The following SLC25A36 variants were observed in gnomAD, a reference collection of about 807,000 sequenced individuals.
SLC25A36 encodes the protein epididymis secretory sperm binding protein.
SLC25A36 carries 24 observed loss-of-function variants against 35.3 expected under a neutral mutation model. The observed-to-expected ratio is 0.68, with a 90% CI of 0.49 to 0.96. The LOEUF (loss-of-function observed/expected upper bound fraction) is 0.96, where lower values mean the gene tolerates loss of function less well. Ranked by LOEUF, SLC25A36 falls within the 40% of genes least tolerant of loss-of-function variation. The probability of loss-of-function intolerance (pLI) is 0.00; values close to 1 mark genes in which losing one functional copy is unlikely to be tolerated. For missense variants in SLC25A36, 294 were observed against 381.1 expected (o/e 0.77, Z 1.90); for synonymous variants, 141 against 132.2 (o/e 1.07, Z -0.46).
rs1345479893 is a variant in SLC25A36 at position 140,956,407 on chromosome 3, A to G, written c.42-120A>G. The G allele has an allele frequency of 3.0e-5, 36 of 1,214,062 alleles. 1 individual carries two copies. The South Asian group carries it at 4.8e-4, about 16-fold the overall frequency. The allele number at this position is 1,214,062 out of a possible 1,614,324, so 75.2% of individuals were successfully genotyped here. The stretch of plus-strand genomic sequence containing the variant: ...TCAGTTTAGTCATCTAACATTAAAA[A>G]TTATAAATTTTAGTATGTTGGCAAA... On this transcript the variant is annotated intron_variant, in intron 1 of 6. Coordinates refer to ENST00000324194, the MANE Select transcript of SLC25A36 (RefSeq NM_001104647.3).
chr3:140,943,092 CCTT>C (rs1429374646), intron 1 of SLC25A36, among the ~76,000 whole-genome samples: 7 of 152,128 alleles, frequency 4.6e-5, no homozygotes, highest in African/African-American at 1.7e-4. Context: ...TAGATTTGCT[CCTT>C]CTAAATCATT....
rs750466080 is a variant in SLC25A36 at position 140,976,243 on chromosome 3, A to G, written c.743-17A>G. On this transcript the variant is annotated splice_polypyrimidine_tract_variant and intron_variant, in intron 6 of 6. Coordinates refer to ENST00000324194, the MANE Select transcript of SLC25A36 (RefSeq NM_001104647.3). ...AAAGATATCAGTAATGTTTAATTTT[A>G]TTTCTTTCCTACACAGAAGTTGTAA... The G allele has an allele frequency of 3.3e-6, 5 of 1,527,102 alleles. No individual in the cohort carries two copies. The highest frequency in any genetic ancestry group is 4.5e-6 in the Non-Finnish European group (5 of 1,118,824). 94.6% of individuals were successfully genotyped at this position (1,527,102 alleles called of 1,614,324 possible). A position where few individuals can be genotyped will look rare whatever the true frequency, so the allele number is the denominator to read the frequency against.
Position 140,949,587 on chromosome 3 carries a change from A to T in SLC25A36, c.42-6940A>T, listed in dbSNP as rs142476775. On this transcript the variant is annotated intron_variant, in intron 1 of 6. Transcript: ENST00000324194. Reference sequence around the variant, plus strand: ...AATGAGTGTCAATCTAGGTGGTTTCACTACGAACATAAAGAACATGTAGTT... The same window carrying T: ...AATGAGTGTCAATCTAGGTGGTTTCTCTACGAACATAAAGAACATGTAGTT... 1.7e-3 allele frequency among the ~76,000 whole-genome samples: 253 copies of T among 152,300 alleles called. 3 individuals carry two copies. The East Asian group carries it at 0.019, about 12-fold the overall frequency.
chr3:140,949,249 C>T (rs1934251692), intron 1 of SLC25A36, among the ~76,000 whole-genome samples: 2 of 152,080 alleles, frequency 1.3e-5, no homozygotes, highest in Admixed American at 1.3e-4. Context: ...TAAGTAGAAG[C>T]AACATTTGAA....
At position 140,976,787 on chromosome 3, in the gene SLC25A36, A is replaced by T. The variant is rs1351098298; in HGVS notation, c.*334A>T. 1 of 183,414 alleles carries T rather than the reference A, an allele frequency of 5.5e-6. No individual in the cohort carries two copies. Among genetic ancestry groups the T allele is most frequent in the East Asian group, 1.4e-4 (1 of 7,358 alleles). The allele number at this position is 183,414 out of a possible 1,614,324, so 11.4% of individuals were successfully genotyped here. The stretch of plus-strand genomic sequence containing the variant: ...TAAACAAAGCCATCCTTAATTTTAC[A>T]TACTGTATTGTAACTATCCAAAGAT... On this transcript the variant is annotated 3_prime_UTR_variant, in exon 7 of 7. Transcript: ENST00000324194.
chr3:140,949,785 A>C (rs1332916040), intron 1 of SLC25A36, among the ~76,000 whole-genome samples: 1 of 152,232 alleles, frequency 6.6e-6, no homozygotes, highest in Non-Finnish European at 1.5e-5. Flanking sequence ...AAGAAAGCAC[A>C]CAGAACAAAC....
chr3:140,967,807 T>C (rs916091721), intron 4 of SLC25A36: 3 of 186,000 alleles, frequency 1.6e-5, no homozygotes, highest in Non-Finnish European at 3.0e-5. Context: ...GTATGGCCAA[T>C]ATATTGGCAC....
At chr3:140,975,651 T>C (rs1935024156) in intron 6 of SLC25A36, among the ~76,000 whole-genome samples, 1 of 152,160 alleles carries the variant, frequency 6.6e-6, no homozygotes, top group African/African-American at 2.4e-5. Flanking sequence ...TTTCTCACCT[T>C]TTAAAATGAG....
chr3:140,967,439 T>G (rs1241707583), intron 4 of SLC25A36, among the ~76,000 whole-genome samples: 1 of 151,832 alleles, frequency 6.6e-6, no homozygotes, highest in East Asian at 1.9e-4. Flanking sequence ...CTTAGAACTC[T>G]TTTGCAAAAA....
intron 4 of SLC25A36, chr3:140,964,852 T>C (rs1378235068): frequency 6.6e-6 from 1 of 151,872 alleles, no homozygotes; most frequent in Admixed American, 6.6e-5. Flanking sequence ...CATTGGAGTA[T>C]CTCATCAGAA....
intron 1 of SLC25A36, among the ~76,000 whole-genome samples, chr3:140,946,602 C>T (rs1934172978): frequency 6.6e-6 from 1 of 152,048 alleles, no homozygotes; most frequent in African/African-American, 2.4e-5. Flanking sequence ...AGTTAGACTT[C>T]GAAGGTAAAG....
Position 140,959,493 on chromosome 3 carries a change from C to A in SLC25A36, c.237C>A (p.Ser79=). Residue 79 remains serine, a synonymous_variant, in exon 3 of 7, where the codon TCC becomes TCA. Transcript: ENST00000324194. ...KVILEKEGPR[S]LFRGLGPNLV... ...TCTTGGAAAAAGAAGGGCCTCGTTC[C>A]TTGTTTAGAGGACTAGGCCCCAATT... 1 of 1,517,706 alleles carries A rather than the reference C, an allele frequency of 6.6e-7. No homozygotes were observed. The highest frequency in any genetic ancestry group is 8.7e-7 in the Non-Finnish European group (1 of 1,143,206). 94.0% of individuals were successfully genotyped at this position (1,517,706 alleles called of 1,614,324 possible).
At chr3:140,961,032 C>G (rs1934613718) in intron 3 of SLC25A36, among the ~76,000 whole-genome samples, 1 of 152,206 alleles carries the variant, frequency 6.6e-6, no homozygotes, top group African/African-American at 2.4e-5. Context: ...TGATAGAACA[C>G]TGTATAAAGT....
chr3:140,975,699 C>G (rs772694715), intron 6 of SLC25A36, among the ~76,000 whole-genome samples: 4 of 152,174 alleles, frequency 2.6e-5, no homozygotes, highest in Admixed American at 6.5e-5. Flanking sequence ...GTTCATTCAG[C>G]TCTTAAAAAT....
At chr3:140,968,173 A>G in intron 4 of SLC25A36, 1 of 934,352 alleles carries the variant, frequency 1.1e-6, no homozygotes, top group Non-Finnish European at 1.3e-6. Context: ...TATTTATTAG[A>G]TGTAATTAGC....
Position 140,970,932 on chromosome 3 carries a change from A to T in SLC25A36, c.391A>T (p.Thr131Ser). 6.8e-7 allele frequency: 1 copy of T among 1,459,920 alleles called. No homozygotes were observed. The highest frequency in any genetic ancestry group is 9.6e-7 in the Non-Finnish European group (1 of 1,040,942). 90.4% of individuals were successfully genotyped at this position (1,459,920 alleles called of 1,614,324 possible). Residue 131 changes from threonine (T) to serine (S), a missense_variant, in exon 5 of 7, where the codon ACT (threonine) becomes TCT (serine). Physicochemically the swap from Thr to Ser is moderately conservative, Grantham distance 58 (BLOSUM62 1). Coordinates refer to ENST00000324194, the MANE Select transcript of SLC25A36 (RefSeq NM_001104647.3). Reference sequence around the variant, plus strand: ...TTTTAAACATGTTTGTTTAGGTTTTACTGCAATCACAGCAACCAACCCCAT... The same window carrying T: ...TTTTAAACATGTTTGTTTAGGTTTTTCTGCAATCACAGCAACCAACCCCAT... ...HMISAAMAGF[T>S]AITATNPIWL...
Position 140,976,682 on chromosome 3 carries a change from G to A in SLC25A36, c.*229G>A, listed in dbSNP as rs905670363. On this transcript the variant is annotated 3_prime_UTR_variant, in exon 7 of 7. Transcript: ENST00000324194. ...AGCCTCCAAGGAAATGCCTTTAGAA[G>A]CACTCCTCTCTCAAAATTGCCATTT... is the stretch of plus-strand genomic sequence containing the variant. 2 of 341,520 alleles carry A rather than the reference G, an allele frequency of 5.9e-6. No homozygotes were observed. 21.2% of individuals were successfully genotyped at this position (341,520 alleles called of 1,614,324 possible).
intron 3 of SLC25A36, among the ~76,000 whole-genome samples, chr3:140,960,243 A>G (rs907606105): frequency 9.2e-5 from 14 of 152,180 alleles, no homozygotes; most frequent in African/African-American, 3.4e-4. Flanking sequence ...AATACTCCTG[A>G]TATTTTGAGA....
chr3:140,976,607 C>T lies in SLC25A36; in HGVS notation c.*154C>T, dbSNP rs918021276. ...TTTGTTGTAGGAATTATAGTAATCA[C>T]ACCACATTACTTGGCCTTTCGGTAA... On this transcript the variant is annotated 3_prime_UTR_variant, in exon 7 of 7. Coordinates refer to ENST00000324194, the MANE Select transcript of SLC25A36 (RefSeq NM_001104647.3). The T allele has an allele frequency of 1.3e-5, 6 of 445,404 alleles. No homozygotes were observed. Among genetic ancestry groups the T allele is most frequent in the Admixed American group, 8.6e-5 (2 of 23,142 alleles). 27.6% of individuals were successfully genotyped at this position (445,404 alleles called of 1,614,324 possible).
Sources: allele counts gnomAD v4.1 joint callset (sites outside exome capture counted in the v4.1 genomes callset), GRCh38; gene constraint gnomAD v4.1.1; transcripts MANE v1.5; gene names NCBI Gene and HGNC (gene_info 2026-07-23, HGNC 2026-07-21).